Variants in PYY observed in about 807,000 individuals in gnomAD.
PYY encodes the protein peptide tyrosine tyrosine.
In PYY, 12 loss-of-function variants were observed where a neutral mutation model predicts 10.3. The observed-to-expected ratio is 1.17, with a 90% CI of 0.75 to 1.89. The LOEUF (loss-of-function observed/expected upper bound fraction) is 1.89. Ranked by LOEUF, PYY falls within the 40% of genes most tolerant of loss-of-function variation. The pLI is 0.00. For missense variants in PYY, 141 were observed against 134.0 expected (o/e 1.05, Z -0.26); for synonymous variants, 66 against 62.0 (o/e 1.06, Z -0.30).
At chr17:43,964,626 T>C (rs1235390832) in intron 2 of PYY, among the ~76,000 whole-genome samples, 1 of 152,202 alleles carries the variant, frequency 6.6e-6, no homozygotes, top group Non-Finnish European at 1.5e-5. Context: ...GGCGCATGCC[T>C]GTAATCCCAG....
chr17:43,963,588 A>AAG (rs35648964), intron 2 of PYY, among the ~76,000 whole-genome samples: 13 of 74,162 alleles, frequency 1.8e-4, no homozygotes, highest in African/African-American at 4.9e-4. Flanking sequence ...GAAAGAAAGA[A>AAG]AGAAAGAAAG....
intron 1 of PYY, among the ~76,000 whole-genome samples, chr17:43,999,644 T>C (rs1023200439): frequency 1.3e-5 from 2 of 152,068 alleles, no homozygotes; most frequent in African/African-American, 4.8e-5. Flanking sequence ...GGCGCGTGCC[T>C]GTAATCCCAG....
rs1274583389 is a variant in PYY, at chr17:43,953,292, T to C, written c.188+4A>G. 6.2e-7 allele frequency: 1 copy of C among 1,611,440 alleles called. No homozygotes were observed. The highest frequency in any genetic ancestry group is 8.5e-7 in the Non-Finnish European group (1 of 1,178,840). ...CAGGGGTCCCGCTCCGCGCCTGCGC[T>C]CACCGCTGCCGGGTGACCAGGTTGA... On this transcript the variant is annotated splice_donor_region_variant and intron_variant, in intron 2 of 3. Coordinates refer to ENST00000692052, the MANE Select transcript of PYY (RefSeq NM_001394028.1).
chr17:43,962,363 T>C (rs2048717808), intron 2 of PYY, among the ~76,000 whole-genome samples: 1 of 152,206 alleles, frequency 6.6e-6, no homozygotes, highest in African/African-American at 2.4e-5. Context: ...ATACTTAAAG[T>C]GTACAATGTG....
At chr17:43,989,234 C>A (rs1014606870) in intron 1 of PYY, among the ~76,000 whole-genome samples, 2 of 151,886 alleles carry the variant, frequency 1.3e-5, no homozygotes, top group Non-Finnish European at 2.9e-5. Context: ...ATTAGCCGGG[C>A]GTGGTGGCGG....
intron 1 of PYY, among the ~76,000 whole-genome samples, chr17:43,980,597 C>T (rs1363634512): frequency 6.6e-6 from 1 of 151,912 alleles, no homozygotes; most frequent in East Asian, 1.9e-4. Context: ...CCTTAGCCTC[C>T]GGAGTAGCTG....
At chr17:43,963,636 G>GAA (rs2048734596) in intron 2 of PYY, among the ~76,000 whole-genome samples, 1 of 149,026 alleles carries the variant, frequency 6.7e-6, no homozygotes, top group Admixed American at 6.7e-5. Context: ...GAGAAAGAAA[G>GAA]AAAAGAGAGA....
chr17:43,953,420 G>A lies in PYY; in HGVS notation c.64C>T (p.Leu22=). The change falls in exon 2 of 4, where the codon CTA becomes TTA. Residue 22 remains leucine, a synonymous_variant. Transcript: ENST00000692052. ...GGGTAGGCGTCGACCAGCGCCCCTAGGCAGACGAGCAGGGCCAGAAGCACT... is the reference window on the plus strand; with the variant it reads ...GGGTAGGCGTCGACCAGCGCCCCTAAGCAGACGAGCAGGGCCAGAAGCACT... ...TTVLLALLVC[L]GALVDAYPIK... is the part of the protein sequence containing the mutation. The A allele has an allele frequency of 6.2e-7, 1 of 1,612,978 alleles. No individual in the cohort carries two copies. The highest frequency in any genetic ancestry group is 2.2e-5 in the East Asian group (1 of 44,824).
intron 1 of PYY, among the ~76,000 whole-genome samples, chr17:43,986,962 CTG>C (rs2048919769): frequency 6.6e-6 from 1 of 152,222 alleles, no homozygotes; most frequent in Non-Finnish European, 1.5e-5. Context: ...CATAGGGAAA[CTG>C]AGGCTCAGAG....
chr17:43,983,999 C>G (rs1203688051), intron 1 of PYY, among the ~76,000 whole-genome samples: 1 of 152,204 alleles, frequency 6.6e-6, no homozygotes, highest in Non-Finnish European at 1.5e-5. Context: ...ACACCGCGCC[C>G]GGATCCGCCG....
At chr17:43,982,257 G>C (rs745793714) in intron 1 of PYY, among the ~76,000 whole-genome samples, 4 of 152,232 alleles carry the variant, frequency 2.6e-5, no homozygotes, top group African/African-American at 9.6e-5. Context: ...CCATCTCTGA[G>C]AGTGTCAGGC....
At chr17:43,984,024 C>T (rs942070663) in intron 1 of PYY, among the ~76,000 whole-genome samples, 8 of 152,240 alleles carry the variant, frequency 5.3e-5, no homozygotes, top group Admixed American at 3.9e-4. Context: ...CACGGCCGCG[C>T]CGCCCCATTT....
At chr17:43,959,534 T>G (rs2048697502) in intron 2 of PYY, among the ~76,000 whole-genome samples, 1 of 152,062 alleles carries the variant, frequency 6.6e-6, no homozygotes. Context: ...ATACAAAAAT[T>G]AGCTGGGTAT....
chr17:43,975,994 C>A (rs111219182), intron 1 of PYY, among the ~76,000 whole-genome samples: 49 of 4,480 alleles, frequency 0.011, 21 homozygotes, highest in Admixed American at 0.043. Flanking sequence ...ATACACGTGT[C>A]TACGTACGTG....
rs1173879627 is a variant in PYY at position 43,975,715 on chromosome 17, GA to G, written c.-462-9184del. On this transcript the variant is annotated intron_variant, in intron 1 of 6. Transcript: ENST00000360085. ...GCCTGGGTGACAGGAGTAAGACCCT[GA>G]AAAAAAAAAATATATATATATATAT... Among the ~76,000 whole-genome samples the G allele has an allele frequency of 1.4e-3, 92 of 67,688 alleles. 1 individual carries two copies. The highest frequency in any genetic ancestry group is 5.6e-3 in the African/African-American group (77 of 13,852). The allele number at this position is 67,688 out of a possible 152,430, so 44.4% of individuals were successfully genotyped here.
upstream of PYY, chr17:43,957,906 G>A (rs1371084763): frequency 6.5e-6 from 1 of 154,542 alleles, no homozygotes; most frequent in Non-Finnish European, 1.5e-5. Flanking sequence ...ACTTTTTATG[G>A]TAGGAGCTCT....
intron 1 of PYY, among the ~76,000 whole-genome samples, chr17:43,968,706 G>C (rs1179262690): frequency 6.6e-6 from 1 of 152,160 alleles, no homozygotes; most frequent in Non-Finnish European, 1.5e-5. Flanking sequence ...CAGCTACTCG[G>C]GAGGCTGAGG....
intron 1 of PYY, among the ~76,000 whole-genome samples, chr17:43,967,176 G>T (rs1242496270): frequency 6.6e-6 from 1 of 152,042 alleles, no homozygotes; most frequent in Non-Finnish European, 1.5e-5. Flanking sequence ...GGTGGCACGT[G>T]CCTATAATCC....
At chr17:43,961,553 T>A (rs1049576110) in intron 2 of PYY, among the ~76,000 whole-genome samples, 47 of 152,172 alleles carry the variant, frequency 3.1e-4, no homozygotes, top group Non-Finnish European at 7.3e-5. Flanking sequence ...TCTTTTTACT[T>A]TTTTTGAGAT....
Sources: gnomAD v4.1 joint callset for allele counts (sites outside exome capture counted in the v4.1 genomes callset) on GRCh38, gnomAD v4.1.1 for gene constraint, MANE v1.5 for transcripts, NCBI Gene and HGNC (gene_info 2026-07-23, HGNC 2026-07-21) for gene names.